The following LONP2 variants were observed in gnomAD, a reference collection of about 807,000 sequenced individuals.
LONP2 encodes lon protease homolog 2, peroxisomal.
In LONP2, 60 loss-of-function variants were observed where a neutral mutation model predicts 85.6. The observed-to-expected ratio is 0.70, with a 90% confidence interval of 0.57 to 0.87. The LOEUF is 0.87. LONP2 is among the 40% of genes least tolerant of loss of function. The pLI, the probability that LONP2 is intolerant of heterozygous loss-of-function variation, is 0.00. For synonymous variants in LONP2, 395 were observed against 389.7 expected (o/e 1.01, Z -0.16); for missense variants, 860 against 1,063.5 (o/e 0.81, Z 2.66).
At chr16:48,308,162 A>G (rs1304185143) in intron 11 of LONP2, among the ~76,000 whole-genome samples, 3 of 152,228 alleles carry the variant, frequency 2.0e-5, no homozygotes. Flanking sequence ...ATGGAACAGA[A>G]TGCAGAAACT....
At chr16:48,289,587 T>G (rs1972518299) in intron 8 of LONP2, among the ~76,000 whole-genome samples, 1 of 152,188 alleles carries the variant, frequency 6.6e-6, no homozygotes, top group Admixed American at 6.5e-5. Flanking sequence ...TATTTTCTTT[T>G]CACAGCACAC....
At chr16:48,296,187 A>G in intron 9 of LONP2, 22 bp downstream of exon 9, 7 of 1,611,030 alleles carry the variant, frequency 4.3e-6, no homozygotes, top group Non-Finnish European at 5.9e-6. Flanking sequence ...TTAAATCATT[A>G]TGATACATCT....
At chr16:48,270,414 A>C in intron 7 of LONP2, 140 bp downstream of exon 7, 1 of 936,106 alleles carries the variant, frequency 1.1e-6, no homozygotes, top group South Asian at 1.7e-5. Flanking sequence ...GACATTTACA[A>C]GAAGTATCAG....
intron 8 of LONP2, among the ~76,000 whole-genome samples, chr16:48,289,203 T>C (rs1703301872): frequency 6.6e-6 from 1 of 152,140 alleles, no homozygotes; most frequent in African/African-American, 2.4e-5. Flanking sequence ...AGGAAGTATA[T>C]TTGGCCAAGG....
chr16:48,244,430 G>C lies in LONP2; in HGVS notation c.42G>C (p.Pro14=). The part of the protein sequence containing the change: ...VSPIQIPSRL[P]LLLTHEGVLL... The stretch of plus-strand genomic sequence containing the variant: ...CCATCCAGATCCCCAGTCGCCTCCC[G>C]CTGCTGCTCACCCACGAGGGCGTCC... Residue 14 remains proline, a synonymous_variant, in exon 1 of 15, where the codon CCG becomes CCC. Coordinates refer to ENST00000285737, the MANE Select transcript of LONP2 (RefSeq NM_031490.5). The C allele has an allele frequency of 6.3e-7, 1 of 1,588,932 alleles. No homozygotes were observed. Among genetic ancestry groups the C allele is most frequent in the Non-Finnish European group, 8.5e-7 (1 of 1,172,586 alleles).
rs1037212164 is a variant in LONP2, at chr16:48,351,968, T to C, written c.*166T>C. 3 of 609,398 alleles carry C rather than the reference T, an allele frequency of 4.9e-6. No homozygotes were observed. Among genetic ancestry groups the C allele is most frequent in the East Asian group, 2.7e-5 (1 of 36,388 alleles). 37.7% of individuals were successfully genotyped at this position (609,398 alleles called of 1,614,324 possible). A position where few individuals can be genotyped will look rare whatever the true frequency, so the allele number is the denominator to read the frequency against. Reference sequence around the variant, plus strand: ...GTGGCTAGTGTTTAGTATAGAAATATAAGATGTTGATTTAGTAAACTGATA... The same window carrying C: ...GTGGCTAGTGTTTAGTATAGAAATACAAGATGTTGATTTAGTAAACTGATA... On this transcript the variant is annotated 3_prime_UTR_variant, in exon 15 of 15. Transcript: ENST00000285737.
chr16:48,289,879 C>A (rs75943187), intron 8 of LONP2, among the ~76,000 whole-genome samples: 4,080 of 152,130 alleles, frequency 0.027, 72 homozygotes, highest in Non-Finnish European at 0.042. Context: ...CACAGGTGTT[C>A]ATTTTGTTAT....
chr16:48,361,917 T>C (rs766849509), downstream of LONP2: 2 of 1,614,120 alleles, frequency 1.2e-6, no homozygotes, highest in South Asian at 1.1e-5. Flanking sequence ...ACCAGGAAGA[T>C]TAATGTCTGT....
intron 11 of LONP2, among the ~76,000 whole-genome samples, chr16:48,329,564 A>T (rs1959369948): frequency 6.6e-6 from 1 of 152,218 alleles, no homozygotes; most frequent in Admixed American, 6.5e-5. Context: ...TATAAATTAA[A>T]CATGATCATA....
At chr16:48,257,396 C>T (rs1168353130) in intron 3 of LONP2, among the ~76,000 whole-genome samples, 1 of 152,078 alleles carries the variant, frequency 6.6e-6, no homozygotes, top group Non-Finnish European at 1.5e-5. Context: ...CATGGCCCTT[C>T]CCTTATGTGT....
At chr16:48,257,687 G>A (rs1971787652) in intron 3 of LONP2, among the ~76,000 whole-genome samples, 1 of 152,124 alleles carries the variant, frequency 6.6e-6, no homozygotes, top group Non-Finnish European at 1.5e-5. Flanking sequence ...TCTTTCATAT[G>A]TTATCAGTTT....
rs147702916 is a variant in LONP2 at position 48,297,940 on chromosome 16, C to G, written c.1535-1722C>G. Among the ~76,000 whole-genome samples the G allele has an allele frequency of 1.7e-3, 253 of 152,288 alleles. 2 individuals carry two copies. Among genetic ancestry groups the G allele is most frequent in the Non-Finnish European group, 2.5e-3 (170 of 68,018 alleles). On this transcript the variant is annotated intron_variant, in intron 9 of 14. Transcript: ENST00000285737. Reference sequence around the variant, plus strand: ...GTCTCAATGTCTTGACCTCATGATCCACCCACCTTGGCCTCCCAATATAAC... The same window carrying G: ...GTCTCAATGTCTTGACCTCATGATCGACCCACCTTGGCCTCCCAATATAAC...
intron 11 of LONP2, among the ~76,000 whole-genome samples, chr16:48,316,274 A>G (rs1161264357): frequency 1.3e-5 from 2 of 149,346 alleles, no homozygotes; most frequent in African/African-American, 4.9e-5. Flanking sequence ...GCCAAAGTGC[A>G]AAGTGCTGGG....
intron 10 of LONP2, among the ~76,000 whole-genome samples, chr16:48,300,969 C>T (rs888262053): frequency 1.3e-5 from 2 of 152,066 alleles, no homozygotes; most frequent in East Asian, 3.9e-4. Context: ...CCAGTTGTTA[C>T]CTAGAGAACT....
chr16:48,325,013 G>A (rs1210040257), intron 11 of LONP2, among the ~76,000 whole-genome samples: 1 of 152,038 alleles, frequency 6.6e-6, no homozygotes, highest in Non-Finnish European at 1.5e-5. Context: ...ATAGAACAGT[G>A]GTCCCCAACC....
downstream of LONP2, among the ~76,000 whole-genome samples, chr16:48,358,610 C>A (rs1392370827): frequency 6.6e-6 from 1 of 152,034 alleles, no homozygotes; most frequent in Non-Finnish European, 1.5e-5. Context: ...TCACTTGAGC[C>A]CAAGGGGTTT....
At chr16:48,336,037 C>T (rs1488645944) in intron 12 of LONP2, among the ~76,000 whole-genome samples, 3 of 152,136 alleles carry the variant, frequency 2.0e-5, no homozygotes, top group Non-Finnish European at 4.4e-5. Context: ...CCTGCATGGC[C>T]GATGACCTTT....
chr16:48,267,725 C>T (rs1364870082), intron 6 of LONP2, among the ~76,000 whole-genome samples: 5 of 152,156 alleles, frequency 3.3e-5, no homozygotes, highest in Non-Finnish European at 7.3e-5. Flanking sequence ...AAGTGACTCT[C>T]CTGCCCTAGT....
chr16:48,251,839 G>A (rs1971657466), intron 1 of LONP2, among the ~76,000 whole-genome samples: 1 of 152,114 alleles, frequency 6.6e-6, no homozygotes, highest in Non-Finnish European at 1.5e-5. Context: ...GTAATTCTCA[G>A]CTGCTTTTCT....
Sources: gnomAD v4.1 joint callset for allele counts (sites outside exome capture counted in the v4.1 genomes callset) on GRCh38, gnomAD v4.1.1 for gene constraint, MANE v1.5 for transcripts, NCBI Gene and HGNC (gene_info 2026-07-23, HGNC 2026-07-21) for gene names.